Variants in PPME1 observed in about 807,000 individuals in gnomAD.
The protein encoded by PPME1 is protein phosphatase methylesterase 1.
A neutral mutation model predicts 56.9 loss-of-function variants in PPME1; 17 were observed. The ratio of observed to expected loss-of-function variants is 0.30; its 90% confidence interval spans 0.20 to 0.45. The LOEUF is 0.45. Among genes scored for constraint, PPME1 ranks in the 20% least tolerant of loss-of-function variants. The pLI is 1.00. For synonymous variants in PPME1, 122 were observed against 156.2 expected, an observed-to-expected ratio of 0.78 and a Z score of 1.63; for missense variants, 357 against 483.2, an observed-to-expected ratio of 0.74 and a Z score of 2.45.
intron 10 of PPME1, among the ~76,000 whole-genome samples, chr11:74,246,503 T>A (rs982160489): frequency 3.9e-5 from 6 of 152,312 alleles, no homozygotes; most frequent in African/African-American, 1.4e-4. Context: ...GACCTGAGGT[T>A]ACGTCCTTAT....
intron 9 of PPME1, among the ~76,000 whole-genome samples, chr11:74,244,717 A>G (rs1387771450): frequency 6.6e-6 from 1 of 152,154 alleles, no homozygotes; most frequent in Non-Finnish European, 1.5e-5. Context: ...TTCCATACAC[A>G]TAGTACCATT....
At chr11:74,236,829 C>A (rs1159981030) in intron 8 of PPME1, among the ~76,000 whole-genome samples, 1 of 152,118 alleles carries the variant, frequency 6.6e-6, no homozygotes. Flanking sequence ...AATAAGGGCT[C>A]TTTAAACATC....
chr11:74,247,497 T>G (rs1859535821), intron 11 of PPME1: 6 of 156,544 alleles, frequency 3.8e-5, no homozygotes, highest in South Asian at 2.0e-4. Flanking sequence ...TTTTTTTTTT[T>G]TTTTTTTTGA....
At chr11:74,197,989 C>A (rs1858034946) in intron 1 of PPME1, among the ~76,000 whole-genome samples, 1 of 152,160 alleles carries the variant, frequency 6.6e-6, no homozygotes, top group Non-Finnish European at 1.5e-5. Flanking sequence ...ACTTTGTCTC[C>A]TCTCTGTCAA....
In PPME1 at chr11:74,173,651, T is replaced by C. The variant is rs905868791; in HGVS notation, c.101+2129T>C. Among the ~76,000 whole-genome samples the C allele has an allele frequency of 2.0e-4, 31 of 152,122 alleles. 2 individuals carry two copies. The highest frequency in any genetic ancestry group is 1.5e-5 in the Non-Finnish European group (1 of 68,012). ...CCACCTCCCGGGCTCAAGTGATTCT[T>C]GTGCCTCAGCCTCCCAAGTAGCTGG... On this transcript the variant is annotated intron_variant, in intron 1 of 13. Transcript: ENST00000328257.
intron 8 of PPME1, among the ~76,000 whole-genome samples, chr11:74,236,281 G>C (rs191487147): frequency 6.6e-6 from 1 of 152,260 alleles, no homozygotes; most frequent in Admixed American, 6.5e-5. Context: ...AGTGATAGCA[G>C]CTGAGTTTCA....
intron 1 of PPME1, among the ~76,000 whole-genome samples, chr11:74,185,357 G>A (rs1383011699): frequency 6.6e-6 from 1 of 152,068 alleles, no homozygotes; most frequent in Admixed American, 6.5e-5. Context: ...GGAGGGGATC[G>A]TATGGCTGTT....
intron 1 of PPME1, among the ~76,000 whole-genome samples, chr11:74,200,467 C>T (rs780561729): frequency 1.3e-4 from 20 of 151,940 alleles, no homozygotes; most frequent in Non-Finnish European, 2.4e-4. Flanking sequence ...CTGCAACCTC[C>T]GCCTTCTGGG....
At chr11:74,251,308 G>C (rs1422181177) in intron 12 of PPME1, 3 of 1,363,580 alleles carry the variant, frequency 2.2e-6, no homozygotes, top group African/African-American at 1.5e-5. Context: ...AGATGGAAGA[G>C]GGATGATTAG....
At chr11:74,245,962 G>A in intron 9 of PPME1, 114 bp from the exon 10 acceptor site, 1 of 1,192,340 alleles carries the variant, frequency 8.4e-7, no homozygotes. Flanking sequence ...GGACTTAGTA[G>A]GTCCTTAATA....
rs778936164 is a variant in PPME1, at chr11:74,239,179, G to A, written c.757G>A (p.Gly253Arg). The change falls in exon 9 of 14, where the codon GGA becomes AGA. Residue 253 changes from glycine (G) to arginine (R), a missense_variant. Transcript: ENST00000328257. ...AGAAGGCTCAAAATCTATAGTGGAA[G>A]GAATCATAGAGGAAGAAGAAGAAGA... Reference protein sequence around the residue: ...SPEGSKSIVEGIIEEEEEDEE... With the variant: ...SPEGSKSIVERIIEEEEEDEE... 84 of 1,613,468 alleles carry A rather than the reference G, an allele frequency of 5.2e-5. No homozygotes were observed. The highest frequency in any genetic ancestry group is 6.9e-5 in the Non-Finnish European group (81 of 1,179,718).
At chr11:74,204,563 C>CCTGGA in intron 3 of PPME1, 118 bp downstream of exon 3, 3 of 798,018 alleles carry the variant, frequency 3.8e-6, no homozygotes, top group Non-Finnish European at 6.2e-6. Context: ...CTATTCCAGG[C>CCTGGA]ATACACACAG....
chr11:74,219,084 G>A (rs1413063008), intron 3 of PPME1, among the ~76,000 whole-genome samples: 1 of 152,122 alleles, frequency 6.6e-6, no homozygotes, highest in East Asian at 1.9e-4. Context: ...GATCTGAATA[G>A]ATATTTCTCA....
intron 4 of PPME1, among the ~76,000 whole-genome samples, chr11:74,223,961 G>T (rs1858868638): frequency 6.6e-6 from 1 of 151,848 alleles, no homozygotes; most frequent in African/African-American, 2.4e-5. Flanking sequence ...GATCCCATTT[G>T]TCAATTTTGT....
intron 3 of PPME1, among the ~76,000 whole-genome samples, chr11:74,214,784 T>G (rs1257865445): frequency 6.6e-6 from 1 of 152,086 alleles, no homozygotes; most frequent in Non-Finnish European, 1.5e-5. Flanking sequence ...ACACAAAAGC[T>G]GGAGGATTTC....
intron 4 of PPME1, 54 bp downstream of exon 4, chr11:74,222,423 T>G (rs1203253704): frequency 7.0e-7 from 1 of 1,426,852 alleles, no homozygotes; most frequent in Non-Finnish European, 9.9e-7. Flanking sequence ...CAAGCCCCTT[T>G]GAATAGTTGT....
chr11:74,253,492 T>C lies in PPME1; in HGVS notation c.1143T>C (p.Cys381=). The change falls in exon 14 of 14, where the codon TGT becomes TGC. Residue 381 remains cysteine, a splice_region_variant and synonymous_variant. Transcript: ENST00000328257. ...RFAEPIGGFQ[C]VFPGC ...TCCTTCTCTTTCTGTTCTTCCACAGTGTGTTTCCTGGCTGTTAGTGACCTG... is the reference window on the plus strand; with the variant it reads ...TCCTTCTCTTTCTGTTCTTCCACAGCGTGTTTCCTGGCTGTTAGTGACCTG... 2 of 1,607,730 alleles carry C rather than the reference T, an allele frequency of 1.2e-6. No homozygotes were observed. Among genetic ancestry groups the C allele is most frequent in the Non-Finnish European group, 1.7e-6 (2 of 1,174,178 alleles).
At chr11:74,237,393 A>G (rs1359825013) in intron 8 of PPME1, among the ~76,000 whole-genome samples, 2 of 150,314 alleles carry the variant, frequency 1.3e-5, no homozygotes, top group Non-Finnish European at 2.9e-5. Flanking sequence ...CTCCTGCCTC[A>G]GCCTCCTGAG....
At chr11:74,237,907 T>G (rs1440216827) in intron 8 of PPME1, 1 of 152,224 alleles carries the variant, frequency 6.6e-6, no homozygotes, top group Non-Finnish European at 1.5e-5. Context: ...CTAAATATTT[T>G]GAGACCTCAA....
Sources: allele counts gnomAD v4.1 joint callset (sites outside exome capture counted in the v4.1 genomes callset), GRCh38; gene constraint gnomAD v4.1.1; transcripts MANE v1.5; gene names NCBI Gene and HGNC (gene_info 2026-07-23, HGNC 2026-07-21).